The following RTKN variants were observed in gnomAD, a reference collection of about 807,000 sequenced individuals.
The protein encoded by RTKN is rhotekin.
In RTKN, 49 loss-of-function variants were observed where a neutral mutation model predicts 63.5. The ratio of observed to expected loss-of-function variants is 0.77; its 90% CI spans 0.61 to 0.98. The LOEUF (loss-of-function observed/expected upper bound fraction) is 0.98. Ranked by LOEUF, RTKN falls within the 50% of genes least tolerant of loss-of-function variation. The pLI, the probability that RTKN is intolerant of heterozygous loss-of-function variation, is 0.00. For synonymous variants in RTKN, 295 were observed against 290.4 expected (o/e 1.02, Z -0.16); for missense variants, 685 against 740.8 (o/e 0.92, Z 0.87).
At chr2:74,439,560 G>C (rs1159596450) in intron 1 of RTKN, 1 of 1,614,182 alleles carries the variant, frequency 6.2e-7, no homozygotes, top group Non-Finnish European at 8.5e-7. Context: ...CCTCCAGGCT[G>C]AGTGCCATCT....
At chr2:74,433,992 A>G (rs887789134) in intron 1 of RTKN, among the ~76,000 whole-genome samples, 5 of 152,208 alleles carry the variant, frequency 3.3e-5, no homozygotes, top group Admixed American at 3.3e-4. Context: ...CCATTTGTGC[A>G]TGATATATAT....
At position 74,425,880 on chromosome 2, in the gene RTKN, G is replaced by C; in HGVS notation, c.*363C>G. On this transcript the variant is annotated 3_prime_UTR_variant, in exon 12 of 12. Transcript: ENST00000272430. Reference sequence around the variant, plus strand: ...ACCCTGTCCTCAGGAGCCAGGTGAAGGCTGCTGTTAAATAACTTTAATGGT... The same window carrying C: ...ACCCTGTCCTCAGGAGCCAGGTGAACGCTGCTGTTAAATAACTTTAATGGT... 2.9e-6 allele frequency: 3 copies of C among 1,021,278 alleles called. No individual in the cohort carries two copies. Among genetic ancestry groups the C allele is most frequent in the Admixed American group, 5.4e-5 (2 of 36,782 alleles). 63.3% of individuals were successfully genotyped at this position (1,021,278 alleles called of 1,614,324 possible).
At chr2:74,440,572 C>G in intron 1 of RTKN, 1 of 985,760 alleles carries the variant, frequency 1.0e-6, no homozygotes, top group Non-Finnish European at 1.2e-6. Flanking sequence ...CCCAGCTCCT[C>G]CGAGCTGTCC....
intron 8 of RTKN, 70 bp downstream of exon 8, chr2:74,428,561 T>C (rs940370012): frequency 3.2e-6 from 5 of 1,542,748 alleles, no homozygotes; most frequent in Non-Finnish European, 4.4e-6. Flanking sequence ...TCATTAGCTC[T>C]TCTATTCCTG....
Position 74,436,443 on chromosome 2 carries a change from C to T in RTKN, c.112-3777G>A, listed in dbSNP as rs1346924112. 6.6e-6 allele frequency among the ~76,000 whole-genome samples: 1 copy of T among 151,602 alleles called. No individual in the cohort carries two copies. ...TCCGGGCACCTGGCTGGGCTTGGCT[C>T]AAGGCGGTGCCTCCACCGAGACTCC... On this transcript the variant is annotated intron_variant, in intron 1 of 11. Coordinates refer to ENST00000272430, the MANE Select transcript of RTKN (RefSeq NM_001015055.2). The surrounding 1 kb of genome is among the most constrained non-coding windows in gnomAD (Gnocchi z 4.3).
intron 1 of RTKN, 62 bp from the exon 2 acceptor site, chr2:74,432,728 C>A: frequency 1.4e-6 from 2 of 1,452,504 alleles, no homozygotes; most frequent in South Asian, 2.4e-5. Flanking sequence ...CTAAAGCACT[C>A]CCCAGTCCCC....
In RTKN at chr2:74,440,532, C is replaced by T. The variant is rs561397154; in HGVS notation, c.111+1174G>A. On this transcript the variant is annotated intron_variant, in intron 1 of 11. Transcript: ENST00000272430. ...GCCAGGCCCACGGAGTCACACTTCA[C>T]TCGGCGGCCGCCAGGCCCTGCGGCT... 9.1e-6 allele frequency: 9 copies of T among 986,154 alleles called. 1 individual carries two copies. In the East Asian group the frequency reaches 7.9e-4, roughly 87 times the overall value. 61.1% of individuals were successfully genotyped at this position (986,154 alleles called of 1,614,324 possible). A position where few individuals can be genotyped will look rare whatever the true frequency, so the allele number is the denominator to read the frequency against.
chr2:74,427,054 G>A, intron 11 of RTKN, 115 bp downstream of exon 11: 5 of 1,476,458 alleles, frequency 3.4e-6, no homozygotes, highest in South Asian at 1.4e-5. Flanking sequence ...TGGGTCCCCA[G>A]AGATCTGGTG....
intron 2 of RTKN, 109 bp downstream of exon 2, chr2:74,432,358 T>C (rs776890636): frequency 9.4e-7 from 1 of 1,066,240 alleles, no homozygotes; most frequent in Non-Finnish European, 1.4e-6. Context: ...TAAGACTTCA[T>C]GGGGAAGTCA....
chr2:74,436,424 C>A lies in RTKN; in HGVS notation c.112-3758G>T, dbSNP rs1671065202. ...CCAGGGCGCTGGAGGTCCCTCCGGG[C>A]ACCTGGCTGGGCTTGGCTCAAGGCG... On this transcript the variant is annotated intron_variant, in intron 1 of 11. Coordinates refer to ENST00000272430, the MANE Select transcript of RTKN (RefSeq NM_001015055.2). This position sits in a 1 kb window ranked among gnomAD's most constrained non-coding sequence, Gnocchi z 4.3. Among the ~76,000 whole-genome samples the A allele has an allele frequency of 6.6e-6, 1 of 152,188 alleles. No individual in the cohort carries two copies.
At position 74,430,642 on chromosome 2, in the gene RTKN, G is replaced by A. The variant is rs748171462; in HGVS notation, c.347C>T (p.Pro116Leu). ...SDSGPPAERS[P>L]CRGRVCISDL... ...AGAGATGCAGACCCGGCCGCGGCAG[G>A]GGGAGCGCTCAGCGGGCGGGCCACT... Residue 116 changes from proline (P) to leucine (L), a missense_variant, in exon 3 of 12, where the codon CCC (proline) becomes CTC (leucine). Transcript: ENST00000272430. 1.9e-6 allele frequency: 3 copies of A among 1,613,684 alleles called. No individual in the cohort carries two copies. Among genetic ancestry groups the A allele is most frequent in the Non-Finnish European group, 8.5e-7 (1 of 1,179,982 alleles).
intron 2 of RTKN, 29 bp downstream of exon 2, chr2:74,432,438 C>A (rs368695857): frequency 4.0e-5 from 64 of 1,597,634 alleles, no homozygotes; most frequent in Non-Finnish European, 2.4e-5. Flanking sequence ...CTCCTGCCTC[C>A]ATCGAGGCCT....
chr2:74,440,844 T>A (rs1671330676), intron 1 of RTKN, among the ~76,000 whole-genome samples: 1 of 152,232 alleles, frequency 6.6e-6, no homozygotes, highest in Admixed American at 6.5e-5. Context: ...AAGCCAGGCC[T>A]GGAATCCCAG....
Position 74,426,945 on chromosome 2 carries a change from A to G in RTKN, c.1360+224T>C, listed in dbSNP as rs1047712401. 7.0e-5 allele frequency: 69 copies of G among 985,312 alleles called. 1 individual carries two copies. In the African/African-American group the frequency reaches 1.1e-3, roughly 16 times the overall value. The allele number at this position is 985,312 out of a possible 1,614,324, so 61.0% of individuals were successfully genotyped here. On this transcript the variant is annotated intron_variant, in intron 11 of 11. Coordinates refer to ENST00000272430, the MANE Select transcript of RTKN (RefSeq NM_001015055.2). ...AAGAAATTAGGAAAGAAATTAATGAAATGATCCTGGCTCACTGGGGTTTTG... is the reference window on the plus strand; with the variant it reads ...AAGAAATTAGGAAAGAAATTAATGAGATGATCCTGGCTCACTGGGGTTTTG...
At chr2:74,429,755 T>A (rs1670626748) in intron 6 of RTKN, 73 bp downstream of exon 6, 1 of 1,425,162 alleles carries the variant, frequency 7.0e-7, no homozygotes, top group Non-Finnish European at 9.8e-7. Flanking sequence ...TTCTGCACAC[T>A]CAACACAGTT....
intron 11 of RTKN, 120 bp from the exon 12 acceptor site, chr2:74,426,694 A>G (rs907154899): frequency 7.1e-7 from 1 of 1,416,388 alleles, no homozygotes; most frequent in African/African-American, 1.5e-5. Flanking sequence ...ATCTCAGTGG[A>G]GATTGCGTTA....
At chr2:74,433,390 T>A (rs1004043762) in intron 1 of RTKN, among the ~76,000 whole-genome samples, 3 of 152,120 alleles carry the variant, frequency 2.0e-5, no homozygotes, top group African/African-American at 7.2e-5. Flanking sequence ...CAAATTCATA[T>A]ATCCTTTAAT....
At position 74,428,189 on chromosome 2, in the gene RTKN, G is replaced by A. The variant is rs1015152252; in HGVS notation, c.1086+79C>T. The A allele has an allele frequency of 1.9e-6, 3 of 1,595,972 alleles. No individual in the cohort carries two copies. In the Admixed American group the frequency reaches 5.0e-5, roughly 27 times the overall value. On this transcript the variant is annotated intron_variant, in intron 9 of 11. Coordinates refer to ENST00000272430, the MANE Select transcript of RTKN (RefSeq NM_001015055.2). ...GCCTGCTTCTATCTCTCTGAGGTATGTGCCCACCCTCCTGGGGCCTGAAGG... is the reference window on the plus strand; with the variant it reads ...GCCTGCTTCTATCTCTCTGAGGTATATGCCCACCCTCCTGGGGCCTGAAGG...
chr2:74,427,198 G>A lies in RTKN; in HGVS notation c.1331C>T (p.Ala444Val). Residue 444 changes from alanine to valine, a missense_variant, in exon 11 of 12, where the codon GCA becomes GTA. Transcript: ENST00000272430. Reference sequence around the variant, plus strand: ...CTCATGGTACAAGGACCCCTGCTTTGCCAGTGCTTGGGGTGGTTTCCGGGG... The same window carrying A: ...CTCATGGTACAAGGACCCCTGCTTTACCAGTGCTTGGGGTGGTTTCCGGGG... ...PAPRKPPQAL[A>V]KQGSLYHEMA... is the part of the protein sequence containing the mutation. 6.2e-7 allele frequency: 1 copy of A among 1,614,030 alleles called. No homozygotes were observed. Among genetic ancestry groups the A allele is most frequent in the Non-Finnish European group, 8.5e-7 (1 of 1,179,940 alleles).
Sources: allele counts gnomAD v4.1 joint callset (sites outside exome capture counted in the v4.1 genomes callset), GRCh38; gene constraint gnomAD v4.1.1; non-coding constraint Gnocchi (gnomAD v3.1); transcripts MANE v1.5; gene names NCBI Gene and HGNC (gene_info 2026-07-23, HGNC 2026-07-21).